Variants in AIG1 observed in about 807,000 individuals in gnomAD.
The protein encoded by AIG1 is androgen-induced gene 1 protein.
In AIG1, 23 loss-of-function variants were observed where a neutral mutation model predicts 31.4. The observed-to-expected ratio is 0.73, with a 90% CI of 0.53 to 1.04. AIG1 has a LOEUF of 1.04. Ranked by LOEUF, AIG1 falls within the 50% of genes least tolerant of loss-of-function variation. The pLI is 0.00. For synonymous variants in AIG1, 100 were observed against 110.5 expected (o/e 0.90, Z 0.60); for missense variants, 274 against 295.0 (o/e 0.93, Z 0.52).
intron 1 of AIG1, among the ~76,000 whole-genome samples, chr6:143,101,376 T>C (rs974321803): frequency 2.0e-5 from 3 of 152,188 alleles, no homozygotes; most frequent in African/African-American, 7.2e-5. Flanking sequence ...TCACTTTGTT[T>C]TTCTTCCACC....
chr6:143,080,596 T>G (rs1778154582), intron 1 of AIG1, among the ~76,000 whole-genome samples: 1 of 151,212 alleles, frequency 6.6e-6, no homozygotes, highest in Non-Finnish European at 1.5e-5. Context: ...GGGGGTGCAG[T>G]GAGAGTGAAA....
At chr6:143,342,205 G>T, downstream of AIG1, 1 of 652,256 alleles carries the variant, frequency 1.5e-6, no homozygotes, top group Non-Finnish European at 2.8e-6. Flanking sequence ...TTACAGGCGT[G>T]AGCCATTGCG....
At chr6:143,249,377 A>C (rs1226817461) in intron 3 of AIG1, among the ~76,000 whole-genome samples, 1 of 152,232 alleles carries the variant, frequency 6.6e-6, no homozygotes, top group Non-Finnish European at 1.5e-5. Context: ...TGTAGGAAAG[A>C]AACAAGCTTG....
At chr6:143,226,960 CTTTCTTAAAACATTGAGTT>C (rs1218917938) in intron 3 of AIG1, among the ~76,000 whole-genome samples, 1 of 146,756 alleles carries the variant, frequency 6.8e-6, no homozygotes, top group Non-Finnish European at 1.5e-5. Flanking sequence ...AATTTATAAA[CTTTCTTAAAACATTGAGTT>C]TTTGTCTTTT....
intron 3 of AIG1, among the ~76,000 whole-genome samples, chr6:143,277,916 G>A (rs1307752329): frequency 6.6e-6 from 1 of 152,178 alleles, no homozygotes; most frequent in Non-Finnish European, 1.5e-5. Context: ...CAATTCTAGA[G>A]ATCTAAAATA....
chr6:143,285,342 G>C (rs1473687433), intron 4 of AIG1, among the ~76,000 whole-genome samples: 1 of 150,306 alleles, frequency 6.7e-6, no homozygotes, highest in Admixed American at 6.6e-5. Flanking sequence ...GCGTCCAGCT[G>C]GGAGGAGCTT....
intron 3 of AIG1, among the ~76,000 whole-genome samples, chr6:143,217,651 G>GGT (rs1583536811): frequency 1.3e-5 from 2 of 152,186 alleles, no homozygotes; most frequent in Non-Finnish European, 1.5e-5. Flanking sequence ...TGGGATTACA[G>GGT]GCACCTGCCA....
At chr6:143,283,573 C>A (rs1417464664) in intron 3 of AIG1, among the ~76,000 whole-genome samples, 1 of 152,154 alleles carries the variant, frequency 6.6e-6, no homozygotes, top group African/African-American at 2.4e-5. Flanking sequence ...TATCCAAGAA[C>A]AAGAATTGGT....
intron 2 of AIG1, among the ~76,000 whole-genome samples, chr6:143,141,582 A>G (rs1784249757): frequency 6.6e-6 from 1 of 151,850 alleles, no homozygotes; most frequent in African/African-American, 2.4e-5. Context: ...TCCCATAAAT[A>G]CGAAGCTGGC....
intron 1 of AIG1, among the ~76,000 whole-genome samples, chr6:143,093,826 G>A (rs184825983): frequency 1.9e-4 from 29 of 152,232 alleles, no homozygotes; most frequent in Middle Eastern, 3.4e-3. Flanking sequence ...GGGAATAGCC[G>A]GTTGGTGGAG....
At chr6:143,197,769 G>T (rs189962637) in intron 3 of AIG1, among the ~76,000 whole-genome samples, 1 of 152,324 alleles carries the variant, frequency 6.6e-6, no homozygotes, top group East Asian at 1.9e-4. Flanking sequence ...AACATCTGTT[G>T]TTAGAGAAAG....
At chr6:143,162,860 G>C (rs1786530009) in intron 2 of AIG1, among the ~76,000 whole-genome samples, 1 of 152,146 alleles carries the variant, frequency 6.6e-6, no homozygotes, top group South Asian at 2.1e-4. Flanking sequence ...GGAATTCCAG[G>C]CTCACAGTTA....
At chr6:143,200,034 G>A (rs944151443) in intron 3 of AIG1, among the ~76,000 whole-genome samples, 10 of 152,332 alleles carry the variant, frequency 6.6e-5, no homozygotes, top group African/African-American at 2.4e-4. Context: ...ATGGTTTTGA[G>A]TGTGGGTATC....
rs573689208 is a variant in AIG1, at chr6:143,130,340, G to T, written c.142-6495G>T. Among the ~76,000 whole-genome samples the T allele has an allele frequency of 7.2e-5, 11 of 152,270 alleles. 1 individual carries two copies. In the South Asian group the frequency reaches 2.1e-3, roughly 29 times the overall value. ...TCACAAAGAAAAATATATCTCTACA[G>T]TGTTGCTGACTATGAAGGCTCAAAA... On this transcript the variant is annotated intron_variant, in intron 1 of 5. Coordinates refer to ENST00000357847, the MANE Select transcript of AIG1 (RefSeq NM_016108.4).
rs987472652 is a variant in AIG1 at position 143,333,321 on chromosome 6, C to T, written c.555C>T (p.Tyr185=). Residue 185 remains tyrosine (Y), a synonymous_variant, in exon 5 of 6, where the codon TAC becomes TAT. Transcript: ENST00000357847. The surrounding 1 kb of genome is among the most constrained non-coding windows in gnomAD (Gnocchi z 4.6). The part of the protein sequence containing the change: ...WVHHVTGMWV[Y]PFLEHIGPGA... ...ATCATGTAACTGGCATGTGGGTGTACCCTTTCCTGGAACACATTGGCCCAG... is the reference window on the plus strand; with the variant it reads ...ATCATGTAACTGGCATGTGGGTGTATCCTTTCCTGGAACACATTGGCCCAG... The T allele has an allele frequency of 2.2e-5, 35 of 1,613,488 alleles. No homozygotes were observed. Among genetic ancestry groups the T allele is most frequent in the Non-Finnish European group, 2.8e-5 (33 of 1,179,788 alleles).
intron 1 of AIG1, among the ~76,000 whole-genome samples, chr6:143,126,049 C>T (rs757762366): frequency 2.6e-5 from 4 of 152,136 alleles, no homozygotes; most frequent in Admixed American, 2.6e-4. Flanking sequence ...GGTGAAGTTT[C>T]CTTGAAAAAG....
chr6:143,226,072 T>C (rs938333935), intron 3 of AIG1, among the ~76,000 whole-genome samples: 2 of 152,164 alleles, frequency 1.3e-5, no homozygotes, highest in African/African-American at 4.8e-5. Flanking sequence ...CCGGTGAATC[T>C]TGTGTAATGA....
intron 2 of AIG1, among the ~76,000 whole-genome samples, chr6:143,154,048 C>G (rs367793295): frequency 6.6e-6 from 1 of 151,616 alleles, no homozygotes; most frequent in South Asian, 2.1e-4. Context: ...ACCAGGAGTT[C>G]GTGACCAGAC....
chr6:143,189,978 CT>C, intron 3 of AIG1: 1 of 488,660 alleles, frequency 2.0e-6, no homozygotes, highest in Non-Finnish European at 2.7e-6. Flanking sequence ...AGATTACAGA[CT>C]TCCAGCTTCT....
Sources: allele counts gnomAD v4.1 joint callset (sites outside exome capture counted in the v4.1 genomes callset), GRCh38; gene constraint gnomAD v4.1.1; non-coding constraint Gnocchi (gnomAD v3.1); transcripts MANE v1.5; gene names NCBI Gene and HGNC (gene_info 2026-07-23, HGNC 2026-07-21).